Variants in CERS6 observed in about 807,000 individuals in gnomAD.
CERS6 encodes ceramide synthase 6.
Under a neutral mutation model 56.8 loss-of-function variants are expected in CERS6, and 26 were observed. That is an observed-to-expected ratio of 0.46 (90% CI 0.34 to 0.63). The LOEUF (loss-of-function observed/expected upper bound fraction) is 0.63, where lower values mean the gene tolerates loss of function less well. Ranked by LOEUF, CERS6 falls within the 30% of genes least tolerant of loss-of-function variation. The pLI is 0.01. For missense variants in CERS6, 415 were observed against 467.5 expected (o/e 0.89, Z 1.04); for synonymous variants, 164 against 173.3 (o/e 0.95, Z 0.42).
At chr2:168,574,402 GTGTGTGTGTGTGTC>G (rs1683199004) in intron 3 of CERS6, among the ~76,000 whole-genome samples, 1 of 54,852 alleles carries the variant, frequency 1.8e-5, no homozygotes. Context: ...GTGTGTGTGT[GTGTGTGTGTGTGTC>G]AAGCATTTAC....
chr2:168,578,350 T>C (rs1183511050), intron 3 of CERS6, among the ~76,000 whole-genome samples: 1 of 152,126 alleles, frequency 6.6e-6, no homozygotes, highest in Non-Finnish European at 1.5e-5. Flanking sequence ...TAAAGTACTT[T>C]TGTGTCTTTT....
chr2:168,543,517 G>A (rs1695410802), intron 1 of CERS6, among the ~76,000 whole-genome samples: 1 of 151,796 alleles, frequency 6.6e-6, no homozygotes, highest in African/African-American at 2.4e-5. Flanking sequence ...GATAGTCAGT[G>A]ATAAAATTAT....
chr2:168,564,657 T>C (rs11902555), intron 3 of CERS6, among the ~76,000 whole-genome samples: 1,837 of 152,264 alleles, frequency 0.012, 30 homozygotes, highest in African/African-American at 0.041. Context: ...CTTCCTGCCT[T>C]GTGTATGGTG....
At chr2:168,492,821 G>C (rs537202241) in intron 1 of CERS6, among the ~76,000 whole-genome samples, 1 of 152,146 alleles carries the variant, frequency 6.6e-6, no homozygotes, top group East Asian at 1.9e-4. Flanking sequence ...GTATTAAAAA[G>C]TTTGTCCTGT....
rs141154193 is a variant in CERS6, at chr2:168,621,537, T to C, written c.408-9448T>C. 8.8e-3 allele frequency among the ~76,000 whole-genome samples: 1,343 copies of C among 152,300 alleles called. 17 individuals are homozygous for C. Among genetic ancestry groups the C allele is most frequent in the African/African-American group, 0.027 (1,134 of 41,562 alleles). ...CAGAATTTCACCTAATAGAATGACATTGAATTTTTTGCAGATGTATTTTGA... is the reference window on the plus strand; with the variant it reads ...CAGAATTTCACCTAATAGAATGACACTGAATTTTTTGCAGATGTATTTTGA... On this transcript the variant is annotated intron_variant, in intron 3 of 9. Transcript: ENST00000305747.
At chr2:168,578,482 A>G (rs1268502689) in intron 3 of CERS6, among the ~76,000 whole-genome samples, 1 of 152,184 alleles carries the variant, frequency 6.6e-6, no homozygotes, top group Non-Finnish European at 1.5e-5. Flanking sequence ...TTAAGCTGCC[A>G]CATGAATTTC....
chr2:168,684,936 C>T (rs1205326457), intron 4 of CERS6, among the ~76,000 whole-genome samples: 1 of 151,950 alleles, frequency 6.6e-6, no homozygotes, highest in African/African-American at 2.4e-5. Context: ...AGAGTAAATC[C>T]TCAATGTAAG....
At chr2:168,611,757 A>T (rs1684194186) in intron 3 of CERS6, among the ~76,000 whole-genome samples, 1 of 152,238 alleles carries the variant, frequency 6.6e-6, no homozygotes, top group Admixed American at 6.5e-5. Flanking sequence ...TTAAAAATGC[A>T]AACAAGGGAA....
chr2:168,748,841 G>T (rs1684181779), intron 8 of CERS6, among the ~76,000 whole-genome samples: 2 of 126,580 alleles, frequency 1.6e-5, no homozygotes, highest in South Asian at 6.3e-4. Context: ...TGGGGGGGGG[G>T]CAGGTATTAA....
chr2:168,574,206 C>G (rs1285449474), intron 3 of CERS6, among the ~76,000 whole-genome samples: 1 of 152,130 alleles, frequency 6.6e-6, no homozygotes, highest in Non-Finnish European at 1.5e-5. Flanking sequence ...ATCATTTCCA[C>G]TGGATTGATT....
At chr2:168,672,156 C>T (rs1685934769) in intron 4 of CERS6, among the ~76,000 whole-genome samples, 3 of 152,170 alleles carry the variant, frequency 2.0e-5, no homozygotes, top group African/African-American at 4.8e-5. Flanking sequence ...AATCATAGCC[C>T]TTGGAAGTAT....
intron 7 of CERS6, 47 bp downstream of exon 7, chr2:168,715,176 G>A (rs773816652): frequency 4.5e-6 from 7 of 1,570,360 alleles, no homozygotes; most frequent in East Asian, 4.5e-5. Flanking sequence ...CAAAATTTAG[G>A]AAGTCCCCAA....
At chr2:168,683,231 G>T (rs1459124969) in intron 4 of CERS6, among the ~76,000 whole-genome samples, 1 of 152,094 alleles carries the variant, frequency 6.6e-6, no homozygotes, top group Non-Finnish European at 1.5e-5. Flanking sequence ...ATTCCAGTTT[G>T]CAGAGTATTG....
rs574033255 is a variant in CERS6, at chr2:168,597,677, T to C, written c.408-33308T>C. Among the ~76,000 whole-genome samples, 5 of 152,320 alleles carry C rather than the reference T, an allele frequency of 3.3e-5. No homozygotes were observed. In the South Asian group the frequency reaches 6.2e-4, roughly 19 times the overall value. ...AAATATTCTGGGGCCACCTTGAATATGTAAAGTTTTAGAGATGAAACAATT... is the reference window on the plus strand; with the variant it reads ...AAATATTCTGGGGCCACCTTGAATACGTAAAGTTTTAGAGATGAAACAATT... On this transcript the variant is annotated intron_variant, in intron 3 of 9. Transcript: ENST00000305747.
intron 1 of CERS6, among the ~76,000 whole-genome samples, chr2:168,458,062 T>C (rs1693707643): frequency 6.6e-6 from 1 of 152,166 alleles, no homozygotes; most frequent in African/African-American, 2.4e-5. Context: ...TTTGCAGGTG[T>C]AGAGTTACCT....
chr2:168,600,986 A>G (rs1198033013), intron 3 of CERS6, among the ~76,000 whole-genome samples: 3 of 152,152 alleles, frequency 2.0e-5, no homozygotes, highest in Non-Finnish European at 2.9e-5. Context: ...AACAGACCTC[A>G]TGGGTTGATG....
intron 8 of CERS6, among the ~76,000 whole-genome samples, chr2:168,743,200 A>G (rs970793059): frequency 7.0e-6 from 1 of 142,992 alleles, no homozygotes; most frequent in Non-Finnish European, 1.5e-5. Context: ...GTGTATATAT[A>G]TATGTGTGTG....
intron 1 of CERS6, among the ~76,000 whole-genome samples, chr2:168,521,269 C>A (rs1362044516): frequency 2.0e-5 from 3 of 152,190 alleles, no homozygotes; most frequent in African/African-American, 7.2e-5. Context: ...TGAAACGTTA[C>A]AGTTTAATGC....
chr2:168,626,832 C>T (rs1408828651), intron 3 of CERS6, among the ~76,000 whole-genome samples: 1 of 152,140 alleles, frequency 6.6e-6, no homozygotes, highest in Non-Finnish European at 1.5e-5. Context: ...TCCTTCTGAG[C>T]ATCCTCCACA....
Sources: allele counts gnomAD v4.1 joint callset (sites outside exome capture counted in the v4.1 genomes callset), GRCh38; gene constraint gnomAD v4.1.1; transcripts MANE v1.5; gene names NCBI Gene and HGNC (gene_info 2026-07-23, HGNC 2026-07-21).